The following CLEC2D variants were observed in gnomAD, a reference collection of about 807,000 sequenced individuals.
CLEC2D encodes C-type lectin related f.
Under a neutral mutation model 20.0 loss-of-function variants are expected in CLEC2D, and 16 were observed. The ratio of observed to expected loss-of-function variants is 0.80; its 90% confidence interval spans 0.54 to 1.22. CLEC2D has a LOEUF of 1.22. Among genes scored for constraint, CLEC2D ranks in the 50% most tolerant of loss-of-function variants. The pLI, the probability that CLEC2D is intolerant of heterozygous loss-of-function variation, is 0.00. For missense variants in CLEC2D, 207 were observed against 221.5 expected (o/e 0.93, Z 0.42); for synonymous variants, 77 against 71.1 (o/e 1.08, Z -0.42).
chr12:9,688,073 G>C lies in CLEC2D; in HGVS notation c.344G>C (p.Ser115Thr), dbSNP rs1865788418. 6.3e-7 allele frequency: 1 copy of C among 1,599,060 alleles called. No homozygotes were observed. The highest frequency in any genetic ancestry group is 8.5e-7 in the Non-Finnish European group (1 of 1,172,552). The change falls in exon 3 of 5, where the codon AGC (serine) becomes ACC (threonine). Residue 115 changes from serine to threonine, a missense_variant. Transcript: ENST00000290855. ...GATGCTGATCTTGCTCAGGTTGAAA[G>C]CTTCCAGGAACTGGTAAGAAAATAG... ...SQDADLAQVESFQELNFLLRY... is the reference protein window; with the variant it reads ...SQDADLAQVETFQELNFLLRY...
At chr12:9,682,166 C>G (rs892273426) in intron 2 of CLEC2D, among the ~76,000 whole-genome samples, 3 of 152,040 alleles carry the variant, frequency 2.0e-5, no homozygotes, top group African/African-American at 7.2e-5. Context: ...CTGGAGCCAT[C>G]TTCTAATCTG....
intron 1 of CLEC2D, among the ~76,000 whole-genome samples, chr12:9,671,090 A>G (rs776663414): frequency 3.9e-5 from 6 of 152,216 alleles, no homozygotes; most frequent in East Asian, 1.9e-4. Context: ...GATGAACCAT[A>G]TACTTCTGCA....
At position 9,697,056 on chromosome 12, in the gene CLEC2D, A is replaced by T. The variant is rs1052169217; in HGVS notation, c.*2182A>T. The T allele has an allele frequency of 6.6e-6, 1 of 151,870 alleles. No individual in the cohort carries two copies. Among genetic ancestry groups the T allele is most frequent in the African/African-American group, 2.4e-5 (1 of 41,368 alleles). The allele number at this position is 151,870 out of a possible 1,614,324, so 9.4% of individuals were successfully genotyped here. On this transcript the variant is annotated 3_prime_UTR_variant, in exon 5 of 5. Transcript: ENST00000290855. The stretch of plus-strand genomic sequence containing the variant: ...ACATACATATATATATATATATAAA[A>T]AATAGAATATTATTCAGCCTTGTAA...
intron 2 of CLEC2D, among the ~76,000 whole-genome samples, chr12:9,681,824 T>C (rs760868945): frequency 2.0e-5 from 3 of 152,346 alleles, no homozygotes; most frequent in Admixed American, 1.3e-4. Flanking sequence ...TGCAAATCTT[T>C]TGCTTATTAT....
intron 1 of CLEC2D, among the ~76,000 whole-genome samples, chr12:9,679,747 A>T (rs1163412755): frequency 2.0e-5 from 3 of 152,204 alleles, no homozygotes; most frequent in Non-Finnish European, 2.9e-5. Context: ...AAGCTTGCTG[A>T]TCTCTCTAGT....
chr12:9,681,183 A>C (rs1865628231), intron 2 of CLEC2D, 150 bp downstream of exon 2: 1 of 520,536 alleles, frequency 1.9e-6, no homozygotes, highest in Non-Finnish European at 3.4e-6. Context: ...AGTGGCACCA[A>C]AAATTTTAAT....
intron 2 of CLEC2D, 123 bp downstream of exon 2, chr12:9,681,156 A>G (rs1045272232): frequency 1.6e-5 from 9 of 564,220 alleles, no homozygotes; most frequent in African/African-American, 1.5e-4. Flanking sequence ...ACTGAGTTAC[A>G]CTCCAATAAC....
chr12:9,683,059 T>C (rs978076138), intron 2 of CLEC2D, among the ~76,000 whole-genome samples: 9 of 152,230 alleles, frequency 5.9e-5, no homozygotes, highest in Admixed American at 6.5e-5. Context: ...TGAGATGGTA[T>C]CTCATTGTTG....
In CLEC2D at chr12:9,696,543, TAAAGTA is replaced by T. The variant is rs150209689; in HGVS notation, c.*1673_*1678del. 42,060 of 119,156 alleles carry T rather than the reference TAAAGTA, an allele frequency of 0.35. 4,916 individuals are homozygous for T. The highest frequency in any genetic ancestry group is 0.48 in the South Asian group (2,061 of 4,272). The allele number at this position is 119,156 out of a possible 1,614,324, so 7.4% of individuals were successfully genotyped here. On this transcript the variant is annotated 3_prime_UTR_variant, in exon 5 of 5. Transcript: ENST00000290855. ...CGTGAAATAAAACTCAGTATTTTAA[TAAAGTA>T]AAAAAAAAAAAAAAGGTATGGGGAA...
intron 2 of CLEC2D, among the ~76,000 whole-genome samples, chr12:9,686,700 A>C (rs867066112): frequency 6.6e-6 from 1 of 152,182 alleles, no homozygotes; most frequent in Non-Finnish European, 1.5e-5. Flanking sequence ...ACTGGTAGCT[A>C]CTAGGGGCTC....
At chr12:9,693,976 T>C (rs1865922822) in intron 4 of CLEC2D, 2 of 266,388 alleles carry the variant, frequency 7.5e-6, no homozygotes, top group Non-Finnish European at 1.4e-5. Context: ...TGGCTTTTTT[T>C]TTTTTTTTTT....
chr12:9,684,216 C>T (rs1400025217), intron 2 of CLEC2D, among the ~76,000 whole-genome samples: 4 of 152,180 alleles, frequency 2.6e-5, no homozygotes, highest in African/African-American at 9.7e-5. Flanking sequence ...GATTTTTGCA[C>T]ATTGATTTCG....
chr12:9,681,904 CAG>C (rs749032522), intron 2 of CLEC2D, among the ~76,000 whole-genome samples: 4 of 152,000 alleles, frequency 2.6e-5, no homozygotes, highest in Non-Finnish European at 5.9e-5. Flanking sequence ...TTTTTTATTT[CAG>C]AGATTTAAGT....
intron 2 of CLEC2D, among the ~76,000 whole-genome samples, chr12:9,685,430 C>G (rs1026873147): frequency 6.6e-6 from 1 of 152,224 alleles, no homozygotes; most frequent in Non-Finnish European, 1.5e-5. Flanking sequence ...CTCCTGAAGC[C>G]GTGACCACAG....
intron 1 of CLEC2D, among the ~76,000 whole-genome samples, chr12:9,675,073 T>C (rs1323352956): frequency 6.6e-6 from 1 of 152,214 alleles, no homozygotes; most frequent in Non-Finnish European, 1.5e-5. Flanking sequence ...CTGTCTTTTC[T>C]TAATTGTATT....
chr12:9,679,125 A>G (rs1254509580), intron 1 of CLEC2D, among the ~76,000 whole-genome samples: 2 of 152,178 alleles, frequency 1.3e-5, no homozygotes, highest in Admixed American at 1.3e-4. Flanking sequence ...ATACATAAGC[A>G]TATAAATATA....
chr12:9,698,819 G>A lies in CLEC2D; in HGVS notation c.*3945G>A, dbSNP rs762850380. ...TGACAGGTGGAACTAAAGAAGACTCGAGGTCTCTCTGACCTCCTCCTCAAC... is the reference window on the plus strand; with the variant it reads ...TGACAGGTGGAACTAAAGAAGACTCAAGGTCTCTCTGACCTCCTCCTCAAC... On this transcript the variant is annotated 3_prime_UTR_variant, in exon 5 of 5. Transcript: ENST00000290855. The A allele has an allele frequency of 1.3e-5, 2 of 152,118 alleles. No homozygotes were observed. The highest frequency in any genetic ancestry group is 2.4e-5 in the African/African-American group (1 of 41,430). The allele number at this position is 152,118 out of a possible 1,614,324, so 9.4% of individuals were successfully genotyped here.
intron 1 of CLEC2D, among the ~76,000 whole-genome samples, chr12:9,671,855 TCTG>T (rs1356153173): frequency 5.3e-5 from 8 of 152,222 alleles, no homozygotes; most frequent in Non-Finnish European, 1.2e-4. Context: ...TCTTGTAAGA[TCTG>T]CTGCTAGTAT....
In CLEC2D at chr12:9,694,994, A is replaced by AATATG; in HGVS notation, c.*120_*121insATATG. 1 of 625,562 alleles carries AATATG rather than the reference A, an allele frequency of 1.6e-6. No homozygotes were observed. The highest frequency in any genetic ancestry group is 2.9e-6 in the Non-Finnish European group (1 of 349,066). The allele number at this position is 625,562 out of a possible 1,614,324, so 38.8% of individuals were successfully genotyped here. ...GGTATATGAAAATATGCTCAATATC[A>AATATG]CTAATAACTGGGAAAATACAAATCA... On this transcript the variant is annotated 3_prime_UTR_variant, in exon 5 of 5. Transcript: ENST00000290855.
Sources: gnomAD v4.1 joint callset for allele counts (sites outside exome capture counted in the v4.1 genomes callset) on GRCh38, gnomAD v4.1.1 for gene constraint, MANE v1.5 for transcripts, NCBI Gene and HGNC (gene_info 2026-07-23, HGNC 2026-07-21) for gene names.